RORA: variants seen among roughly 807,000 people sequenced by gnomAD.
RORA encodes nuclear receptor ROR-alpha.
RORA carries 7 observed loss-of-function variants against 69.5 expected under a neutral mutation model. The observed-to-expected ratio is 0.10, with a 90% CI of 0.06 to 0.19. The LOEUF (loss-of-function observed/expected upper bound fraction) is 0.19, where lower values mean the gene tolerates loss of function less well. Among genes scored for constraint, RORA ranks in the 10% least tolerant of loss-of-function variants. The pLI is 1.00. For missense variants in RORA, 457 were observed against 663.0 expected (o/e 0.69, Z 3.41); for synonymous variants, 261 against 240.8 (o/e 1.08, Z -0.78).
At chr15:61,057,355 T>C (rs2078110538) in intron 1 of RORA, among the ~76,000 whole-genome samples, 1 of 152,170 alleles carries the variant, frequency 6.6e-6, no homozygotes, top group Non-Finnish European at 1.5e-5. Flanking sequence ...AATGCAGAAA[T>C]ACACAAACAT....
rs186130987 is a variant in RORA, at chr15:61,014,970, C to T, written c.166+214083G>A. ...CTGCTAAAACCTTATTTTTTCTGCT[C>T]CATTTTCTGCATTTTCCTCCAGCAT... On this transcript the variant is annotated intron_variant, in intron 1 of 10. Coordinates refer to ENST00000335670, the MANE Select transcript of RORA (RefSeq NM_134261.3). Among the ~76,000 whole-genome samples the T allele has an allele frequency of 2.8e-3, 422 of 152,262 alleles. 5 individuals carry two copies. Among genetic ancestry groups the T allele is most frequent in the Non-Finnish European group, 6.6e-4 (45 of 68,010 alleles).
At chr15:60,961,686 G>A (rs1448145279) in intron 1 of RORA, among the ~76,000 whole-genome samples, 1 of 152,186 alleles carries the variant, frequency 6.6e-6, no homozygotes, top group Non-Finnish European at 1.5e-5. Context: ...GGCTTTAATA[G>A]TTTAATCCAC....
intron 1 of RORA, among the ~76,000 whole-genome samples, chr15:60,948,720 C>T (rs770299752): frequency 2.0e-5 from 3 of 152,184 alleles, no homozygotes; most frequent in African/African-American, 7.2e-5. Context: ...ACATTTGGAT[C>T]TTCCAATTCT....
At chr15:60,771,116 G>T (rs933731696) in intron 1 of RORA, among the ~76,000 whole-genome samples, 1 of 152,128 alleles carries the variant, frequency 6.6e-6, no homozygotes, top group East Asian at 1.9e-4. Flanking sequence ...TAACTCTTAA[G>T]GTAGGACTTC....
intron 1 of RORA, among the ~76,000 whole-genome samples, chr15:60,802,667 G>T (rs1358782836): frequency 1.3e-5 from 2 of 152,150 alleles, no homozygotes; most frequent in African/African-American, 4.8e-5. Flanking sequence ...GGTGGCTTAT[G>T]TCTTTTACTC....
chr15:60,672,568 G>A (rs935663273), intron 2 of RORA, among the ~76,000 whole-genome samples: 1 of 152,290 alleles, frequency 6.6e-6, no homozygotes, highest in East Asian at 1.9e-4. Context: ...TGGAGATAAC[G>A]GTGTGGCTCT....
intron 1 of RORA, among the ~76,000 whole-genome samples, chr15:61,024,002 T>C (rs763102977): frequency 2.7e-5 from 4 of 150,896 alleles, no homozygotes; most frequent in Non-Finnish European, 5.9e-5. Flanking sequence ...TAAGAGTCTA[T>C]GGAAACAAAA....
chr15:61,159,292 A>G (rs1343942829), intron 1 of RORA, among the ~76,000 whole-genome samples: 1 of 152,122 alleles, frequency 6.6e-6, no homozygotes, highest in African/African-American at 2.4e-5. Flanking sequence ...TGCCTTTCCT[A>G]TTTACCCATC....
At chr15:60,864,479 T>C (rs1392224532) in intron 1 of RORA, among the ~76,000 whole-genome samples, 1 of 124,366 alleles carries the variant, frequency 8.0e-6, no homozygotes, top group Non-Finnish European at 1.8e-5. Context: ...CATGTTACCA[T>C]CCTTGTTTTT....
rs1284499277 is a variant in RORA, at chr15:61,032,325, CA to C, written c.166+196727del. Reference sequence around the variant, plus strand: ...CTGAAGAAGAATGGTATATCTCCCCCAATACACAAATCAAGTAGAATCCTGC... The same window carrying C: ...CTGAAGAAGAATGGTATATCTCCCCCATACACAAATCAAGTAGAATCCTGC... On this transcript the variant is annotated intron_variant, in intron 1 of 10. Transcript: ENST00000335670. Among the ~76,000 whole-genome samples, 6 of 152,156 alleles carry C rather than the reference CA, an allele frequency of 3.9e-5. No homozygotes were observed. In the South Asian group the frequency reaches 1.2e-3, roughly 32 times the overall value.
chr15:60,802,481 C>G (rs1188655932), intron 1 of RORA, among the ~76,000 whole-genome samples: 1 of 152,144 alleles, frequency 6.6e-6, no homozygotes, highest in African/African-American at 2.4e-5. Flanking sequence ...TCTCTCTCTT[C>G]CCCTGCAGAA....
chr15:61,153,004 T>C (rs1441586473), intron 1 of RORA, among the ~76,000 whole-genome samples: 1 of 152,098 alleles, frequency 6.6e-6, no homozygotes, highest in African/African-American at 2.4e-5. Flanking sequence ...AAGTCACAAT[T>C]GAACTGGCCT....
At chr15:61,191,577 C>G (rs561772241) in intron 1 of RORA, among the ~76,000 whole-genome samples, 1 of 152,326 alleles carries the variant, frequency 6.6e-6, no homozygotes, top group Admixed American at 6.5e-5. Flanking sequence ...CAGATAAACA[C>G]ATTGCCAACC....
intron 1 of RORA, among the ~76,000 whole-genome samples, chr15:61,052,807 C>T (rs992360253): frequency 1.3e-5 from 2 of 152,146 alleles, no homozygotes; most frequent in Non-Finnish European, 2.9e-5. Context: ...AAGAAAGACG[C>T]GAAGATGAAA....
intron 1 of RORA, among the ~76,000 whole-genome samples, chr15:61,188,820 T>G (rs1340868306): frequency 1.3e-5 from 2 of 152,168 alleles, no homozygotes; most frequent in East Asian, 1.9e-4. Flanking sequence ...TCCTAAGAGA[T>G]TCCCTCAAGG....
At chr15:61,014,717 C>T (rs1895219658) in intron 1 of RORA, among the ~76,000 whole-genome samples, 1 of 152,018 alleles carries the variant, frequency 6.6e-6, no homozygotes, top group Non-Finnish European at 1.5e-5. Context: ...CTATCTAAGC[C>T]TTAAGAAAAA....
At chr15:60,941,902 T>C (rs1252590585) in intron 1 of RORA, among the ~76,000 whole-genome samples, 7 of 85,388 alleles carry the variant, frequency 8.2e-5, no homozygotes, top group Non-Finnish European at 1.4e-4. Flanking sequence ...TACCAAGAAA[T>C]AGTTTTTAAA....
At chr15:61,122,672 G>A (rs2079113942) in intron 1 of RORA, among the ~76,000 whole-genome samples, 1 of 152,046 alleles carries the variant, frequency 6.6e-6, no homozygotes, top group African/African-American at 2.4e-5. Flanking sequence ...AGCTTACACA[G>A]CTAGTAAGGG....
chr15:60,570,336 GTGTT>G (rs1028383381), intron 2 of RORA, among the ~76,000 whole-genome samples: 2 of 152,048 alleles, frequency 1.3e-5, no homozygotes, highest in Admixed American at 1.3e-4. Flanking sequence ...GTGGGTGTAT[GTGTT>G]TGTTTTTCAG....
Sources: allele counts gnomAD v4.1 joint callset (sites outside exome capture counted in the v4.1 genomes callset), GRCh38; gene constraint gnomAD v4.1.1; transcripts MANE v1.5; gene names NCBI Gene and HGNC (gene_info 2026-07-23, HGNC 2026-07-21).